Variants in IQGAP3 observed in about 807,000 individuals in gnomAD.
The protein encoded by IQGAP3 is IQ motif containing GTPase activating protein 3, also known as ras GTPase-activating-like protein IQGAP3.
Under a neutral mutation model 208.2 loss-of-function variants are expected in IQGAP3, and 165 were observed. That is an observed-to-expected ratio of 0.79 (90% CI 0.70 to 0.90). The LOEUF (loss-of-function observed/expected upper bound fraction) is 0.90. Ranked by LOEUF, IQGAP3 falls within the 40% of genes least tolerant of loss-of-function variation. The pLI is 0.00. For synonymous variants in IQGAP3, 703 were observed against 803.6 expected, an observed-to-expected ratio of 0.87 and a Z score of 2.12; for missense variants, 1,811 against 2,043.1, an observed-to-expected ratio of 0.89 and a Z score of 2.19.
At chr1:156,555,596 T>C (rs1271330167) in intron 12 of IQGAP3, among the ~76,000 whole-genome samples, 5 of 152,230 alleles carry the variant, frequency 3.3e-5, no homozygotes, top group Non-Finnish European at 5.9e-5. Flanking sequence ...AAAGTTTACT[T>C]TCTTCTCTAA....
Position 156,551,976 on chromosome 1 carries a change from T to C in IQGAP3, c.1568A>G (p.Asp523Gly). 1 of 1,613,702 alleles carries C rather than the reference T, an allele frequency of 6.2e-7. No homozygotes were observed. The highest frequency in any genetic ancestry group is 8.5e-7 in the Non-Finnish European group (1 of 1,179,768). Residue 523 changes from aspartate (D) to glycine (G), a missense_variant and splice_region_variant, in exon 14 of 38, where the codon GAC (aspartate) becomes GGC (glycine). Physicochemically the swap from Asp to Gly is moderately conservative, Grantham distance 94. Transcript: ENST00000361170. ...ACCCAGCTCCAGACTATACTTACGG[T>C]CAGTCTCTTCCTGGGTCTGTGCATT... ...QVNAQTQEETDRVLAVSLINE... is the reference protein window; with the variant it reads ...QVNAQTQEETGRVLAVSLINE...
chr1:156,539,026 C>A lies in IQGAP3; in HGVS notation c.3064G>T (p.Val1022Leu), dbSNP rs761042207. ...TALQEEIKSK[V>L]EQPQDVVTGN... is the part of the protein sequence containing the mutation. ...GTCACCACGTCCTGGGGCTGCTCCA[C>A]CTTTGACCTGTGGTTTAAGAGGTCA... Residue 1022 changes from valine to leucine, a missense_variant, in exon 26 of 38, where the codon GTG becomes TTG. Val to Leu is a conservative substitution (Grantham distance 32). Transcript: ENST00000361170. 6.2e-7 allele frequency: 1 copy of A among 1,613,466 alleles called. No homozygotes were observed. The highest frequency in any genetic ancestry group is 8.5e-7 in the Non-Finnish European group (1 of 1,179,650).
chr1:156,535,647 G>A (rs1350827134), intron 27 of IQGAP3, among the ~76,000 whole-genome samples: 1 of 152,170 alleles, frequency 6.6e-6, no homozygotes, highest in Admixed American at 6.5e-5. Flanking sequence ...CCAAAACCCT[G>A]TCCTAGGACA....
chr1:156,548,676 C>G lies in IQGAP3; in HGVS notation c.1898G>C (p.Arg633Thr). The stretch of plus-strand genomic sequence containing the variant: ...CCCTCGAAGGGCCACTGCGGGGTTC[C>G]TCAACACCCGCTCAGTCTGGGCTGC... ...GKAAQTERVL[R>T]NPAVALRGVV... Residue 633 changes from arginine to threonine, a missense_variant, in exon 17 of 38, where the codon AGG becomes ACG. Arg to Thr is a moderately conservative substitution (Grantham distance 71). Coordinates refer to ENST00000361170, the MANE Select transcript of IQGAP3 (RefSeq NM_178229.5). The G allele has an allele frequency of 6.2e-7, 1 of 1,611,950 alleles. No homozygotes were observed. Among genetic ancestry groups the G allele is most frequent in the East Asian group, 2.2e-5 (1 of 44,818 alleles).
In IQGAP3 at chr1:156,538,915, C is replaced by A. The variant is rs762962251; in HGVS notation, c.3175G>T (p.Val1059Phe). 5 of 1,614,166 alleles carry A rather than the reference C, an allele frequency of 3.1e-6. No individual in the cohort carries two copies. The highest frequency in any genetic ancestry group is 4.2e-6 in the Non-Finnish European group (5 of 1,180,018). Residue 1059 changes from valine to phenylalanine, a missense_variant, in exon 26 of 38, where the codon GTT (valine) becomes TTT (phenylalanine). Physicochemically the swap from Val to Phe is conservative, Grantham distance 50. Coordinates refer to ENST00000361170, the MANE Select transcript of IQGAP3 (RefSeq NM_178229.5). ...QSALQEILGK[V>F]IQDVLEDKVL... ...TTGTCTTCTAGCACATCCTGGATAA[C>A]CTTGCCCAGAATCTCCTGCAGGGCA...
At chr1:156,528,744 G>T in intron 35 of IQGAP3, 134 bp from the exon 36 acceptor site, 1 of 1,025,126 alleles carries the variant, frequency 9.8e-7, no homozygotes, top group Non-Finnish European at 1.4e-6. Flanking sequence ...GAGGGGGGCT[G>T]CACTTGAGCC....
intron 2 of IQGAP3, among the ~76,000 whole-genome samples, chr1:156,567,024 C>T (rs1365928955): frequency 6.6e-6 from 1 of 152,076 alleles, no homozygotes; most frequent in South Asian, 2.1e-4. Flanking sequence ...CACCCCACCA[C>T]GCCCAGCTAA....
At position 156,563,554 on chromosome 1, in the gene IQGAP3, T is replaced by C. The variant is rs761498660; in HGVS notation, c.618A>G (p.Ala206=). The change falls in exon 7 of 38, where the codon GCA becomes GCG. Residue 206 remains alanine (A), a splice_region_variant and synonymous_variant. Transcript: ENST00000361170. ...GGCAGGGCAGAGCCTAGTCCTTACCTGCAGCCTCATCCACCGAGAGCTCAT... is the reference window on the plus strand; with the variant it reads ...GGCAGGGCAGAGCCTAGTCCTTACCCGCAGCCTCATCCACCGAGAGCTCAT... ...LANELSVDEA[A]VHAAVLAINE... 20 of 1,612,232 alleles carry C rather than the reference T, an allele frequency of 1.2e-5. No homozygotes were observed.
intron 34 of IQGAP3, among the ~76,000 whole-genome samples, 190 bp downstream of exon 34, chr1:156,529,915 T>TTAAAAAAA (rs1674294378): frequency 2.6e-5 from 1 of 39,172 alleles, no homozygotes; most frequent in Non-Finnish European, 3.7e-5. Context: ...TGAGACTGTC[T>TTAAAAAAA]CAAAAAAAAA....
chr1:156,554,508 G>C, intron 12 of IQGAP3, 116 bp from the exon 13 acceptor site: 1 of 957,184 alleles, frequency 1.0e-6, no homozygotes, highest in Non-Finnish European at 1.5e-6. Flanking sequence ...CAAAACCCCA[G>C]TGGCCTGATT....
rs965723668 is a variant in IQGAP3, at chr1:156,563,593, C to T, written c.579G>A (p.Gly193=). ...GLQLPAFSKI[G]GILANELSVD... ...CCGAGAGCTCATTGGCCAAGATGCC[C>T]CCGATCTTGCTGAAGGCAGGCAGCT... The change falls in exon 7 of 38, where the codon GGG becomes GGA. Residue 193 remains glycine, a synonymous_variant. Transcript: ENST00000361170. 2 of 1,613,694 alleles carry T rather than the reference C, an allele frequency of 1.2e-6. No homozygotes were observed. Among genetic ancestry groups the T allele is most frequent in the African/African-American group, 2.7e-5 (2 of 74,872 alleles).
Position 156,550,325 on chromosome 1 carries a change from C to T in IQGAP3, c.1761G>A (p.Leu587=), listed in dbSNP as rs138169933. 12 of 1,613,846 alleles carry T rather than the reference C, an allele frequency of 7.4e-6. No individual in the cohort carries two copies. The highest frequency in any genetic ancestry group is 2.7e-5 in the African/African-American group (2 of 74,928). ...CTCCCTGGCGGATCTCCTCAAGCCA[C>T]AGCACAGCTCCAGGATCCCCTGTCA... ...AQVTGDPGAV[L]WLEEIRQGVV... The change falls in exon 16 of 38, where the codon CTG becomes CTA. Residue 587 remains leucine (L), a synonymous_variant. Coordinates refer to ENST00000361170, the MANE Select transcript of IQGAP3 (RefSeq NM_178229.5).
chr1:156,528,437 C>T, intron 36 of IQGAP3, 72 bp downstream of exon 36: 1 of 1,106,536 alleles, frequency 9.0e-7, no homozygotes. Context: ...CCACCCGGTG[C>T]CCAGCCCAGA....
At chr1:156,544,301 TAG>T in intron 20 of IQGAP3, 78 bp from the exon 21 acceptor site, 1 of 1,573,784 alleles carries the variant, frequency 6.4e-7, no homozygotes, top group Non-Finnish European at 8.7e-7. Context: ...CAGCTAAATC[TAG>T]AGGTCACAAG....
intron 27 of IQGAP3, among the ~76,000 whole-genome samples, chr1:156,535,695 T>C (rs1181704149): frequency 6.6e-6 from 1 of 152,126 alleles, no homozygotes; most frequent in African/African-American, 2.4e-5. Flanking sequence ...TTGTCAGCTG[T>C]CACAGAGCAT....
chr1:156,566,922 A>G (rs1320440668), intron 2 of IQGAP3, among the ~76,000 whole-genome samples: 1 of 148,672 alleles, frequency 6.7e-6, no homozygotes, highest in South Asian at 2.1e-4. Context: ...GCTAGAGTGC[A>G]ATGGTGCGAT....
chr1:156,534,283 C>T lies in IQGAP3; in HGVS notation c.3741-142G>A, dbSNP rs536911069. ...GTCTCAGCTTCTGCCCTCTGTCCTG[C>T]CCTACCTCTGTCCCAGTGACCCCTC... On this transcript the variant is annotated intron_variant, in intron 29 of 37. Coordinates refer to ENST00000361170, the MANE Select transcript of IQGAP3 (RefSeq NM_178229.5). The T allele has an allele frequency of 8.4e-6, 11 of 1,307,988 alleles. No individual in the cohort carries two copies. The South Asian group carries it at 1.3e-4, about 16-fold the overall frequency. 81.0% of individuals were successfully genotyped at this position (1,307,988 alleles called of 1,614,324 possible).
chr1:156,546,177 C>T (rs1675235658), intron 19 of IQGAP3, among the ~76,000 whole-genome samples: 2 of 152,192 alleles, frequency 1.3e-5, no homozygotes, highest in African/African-American at 4.8e-5. Context: ...CAACCTCCAC[C>T]AGGCTCCTTA....
At position 156,545,558 on chromosome 1, in the gene IQGAP3, G is replaced by A. The variant is rs1439465933; in HGVS notation, c.2305-1086C>T. ...TCTGTCACCCAGGTTGGAGTGCAGT[G>A]GTGCTGTCATGGCTCACTGCAGCGT... On this transcript the variant is annotated intron_variant, in intron 19 of 37. Coordinates refer to ENST00000361170, the MANE Select transcript of IQGAP3 (RefSeq NM_178229.5). Among the ~76,000 whole-genome samples, 4 of 150,714 alleles carry A rather than the reference G, an allele frequency of 2.7e-5. No individual in the cohort carries two copies. The South Asian group carries it at 6.3e-4, about 24-fold the overall frequency.
Sources: allele counts gnomAD v4.1 joint callset (sites outside exome capture counted in the v4.1 genomes callset), GRCh38; gene constraint gnomAD v4.1.1; transcripts MANE v1.5; gene names NCBI Gene and HGNC (gene_info 2026-07-23, HGNC 2026-07-21).